TFDP2: variants seen among roughly 807,000 people sequenced by gnomAD.
The protein encoded by TFDP2 is transcription factor Dp-2 (E2F dimerization partner 2).
Under a neutral mutation model 59.3 loss-of-function variants are expected in TFDP2, and 17 were observed. The ratio of observed to expected loss-of-function variants is 0.29; its 90% CI spans 0.20 to 0.43. TFDP2 has a LOEUF of 0.43. Ranked by LOEUF, TFDP2 falls within the 20% of genes least tolerant of loss-of-function variation. TFDP2 has a pLI of 1.00. For synonymous variants in TFDP2, 180 were observed against 194.7 expected, an observed-to-expected ratio of 0.92 and a Z score of 0.63; for missense variants, 391 against 528.8, an observed-to-expected ratio of 0.74 and a Z score of 2.56.
At chr3:142,075,926 G>C (rs1324648953) in intron 3 of TFDP2, among the ~76,000 whole-genome samples, 2 of 121,902 alleles carry the variant, frequency 1.6e-5, no homozygotes, top group African/African-American at 6.7e-5. Context: ...AAAAAAAAAG[G>C]CTTTCCCGGC....
intron 9 of TFDP2, among the ~76,000 whole-genome samples, chr3:141,966,914 A>AT (rs1157768812): frequency 4.1e-5 from 5 of 121,114 alleles, no homozygotes; most frequent in South Asian, 2.5e-4. Flanking sequence ...TGGATTACTT[A>AT]TTAAAAAAAA....
intron 1 of TFDP2, among the ~76,000 whole-genome samples, chr3:142,146,038 A>C (rs73236046): frequency 0.084 from 12,777 of 152,248 alleles, 662 homozygotes; most frequent in Middle Eastern, 0.14. Flanking sequence ...AAGAACTCTG[A>C]CCTCAGCCCT....
At chr3:141,964,907 T>C (rs74927185) in intron 9 of TFDP2, among the ~76,000 whole-genome samples, 11,332 of 152,166 alleles carry the variant, frequency 0.074, 521 homozygotes, top group Non-Finnish European at 0.11. Context: ...AGGCCTAAAT[T>C]TTTTTACTGG....
chr3:142,043,639 T>A, intron 3 of TFDP2: 1 of 893,130 alleles, frequency 1.1e-6, no homozygotes, highest in Non-Finnish European at 1.9e-6. Context: ...CTTGGTCTCT[T>A]CCTCCTTAGA....
chr3:142,030,977 C>T (rs538168207), intron 3 of TFDP2, among the ~76,000 whole-genome samples: 1 of 151,640 alleles, frequency 6.6e-6, no homozygotes, highest in African/African-American at 2.4e-5. Flanking sequence ...CTCCTGACCT[C>T]GTGATCCGCC....
At chr3:141,962,441 C>A (rs1401394984) in intron 10 of TFDP2, among the ~76,000 whole-genome samples, 1 of 152,080 alleles carries the variant, frequency 6.6e-6, no homozygotes, top group East Asian at 1.9e-4. Context: ...TCACTGCAAC[C>A]CCTGCCTCCC....
intron 11 of TFDP2, among the ~76,000 whole-genome samples, chr3:141,957,737 C>T (rs1166130973): frequency 6.6e-6 from 1 of 152,186 alleles, no homozygotes. Context: ...TGTAGGGTTC[C>T]ATTCACATAA....
intron 1 of TFDP2, among the ~76,000 whole-genome samples, chr3:142,118,563 A>G (rs1577027103): frequency 1.3e-5 from 2 of 152,336 alleles, no homozygotes; most frequent in South Asian, 4.1e-4. Flanking sequence ...AATAGAAAGA[A>G]ACAAACAAAA....
chr3:141,985,519 C>CA (rs61684289), intron 6 of TFDP2, among the ~76,000 whole-genome samples: 4,243 of 73,698 alleles, frequency 0.058, 333 homozygotes, highest in African/African-American at 0.19. Context: ...GACGCTGTCT[C>CA]AAAAAAAAAA....
intron 3 of TFDP2, among the ~76,000 whole-genome samples, chr3:142,074,270 A>G (rs2060362819): frequency 6.6e-6 from 1 of 152,140 alleles, no homozygotes; most frequent in East Asian, 1.9e-4. Flanking sequence ...CTAGCCAGGC[A>G]TGGTGGCACA....
intron 3 of TFDP2, among the ~76,000 whole-genome samples, chr3:142,013,613 T>C (rs1256503847): frequency 6.6e-6 from 1 of 152,164 alleles, no homozygotes; most frequent in East Asian, 1.9e-4. Context: ...CTCAATTAAC[T>C]AAATGAGATC....
At position 141,970,159 on chromosome 3, in the gene TFDP2, C is replaced by T; in HGVS notation, c.664-18G>A. On this transcript the variant is annotated intron_variant, in intron 8 of 12. Coordinates refer to ENST00000489671, the MANE Select transcript of TFDP2 (RefSeq NM_001178139.2). Reference sequence around the variant, plus strand: ...TTCTCTATCTTTAAAACATTGGTTACAAAATAATATGAACATAGGTAGACT... The same window carrying T: ...TTCTCTATCTTTAAAACATTGGTTATAAAATAATATGAACATAGGTAGACT... The T allele has an allele frequency of 1.2e-6, 2 of 1,611,362 alleles. No individual in the cohort carries two copies. Among genetic ancestry groups the T allele is most frequent in the East Asian group, 2.2e-5 (1 of 44,878 alleles).
chr3:142,023,630 T>C (rs893655986), intron 3 of TFDP2, among the ~76,000 whole-genome samples: 5 of 152,186 alleles, frequency 3.3e-5, no homozygotes, highest in African/African-American at 1.2e-4. Flanking sequence ...TACCATGCAC[T>C]AAGTAGCTCA....
At chr3:142,065,036 T>C (rs1415240419) in intron 3 of TFDP2, among the ~76,000 whole-genome samples, 1 of 152,044 alleles carries the variant, frequency 6.6e-6, no homozygotes, top group Non-Finnish European at 1.5e-5. Context: ...ACAGGAAAAA[T>C]ACAAACAAGA....
chr3:142,095,054 A>G (rs1425138995), intron 2 of TFDP2, among the ~76,000 whole-genome samples: 1 of 151,864 alleles, frequency 6.6e-6, no homozygotes, highest in Non-Finnish European at 1.5e-5. Context: ...GCAGTGGCAC[A>G]ATCTCGGCTT....
intron 3 of TFDP2, among the ~76,000 whole-genome samples, chr3:142,031,077 C>T (rs1011706228): frequency 2.0e-5 from 3 of 152,112 alleles, no homozygotes; most frequent in Admixed American, 6.5e-5. Flanking sequence ...AGCACCCCCC[C>T]GGCCCTCCAA....
At chr3:142,146,552 A>C (rs2063183701) in intron 1 of TFDP2, among the ~76,000 whole-genome samples, 1 of 152,222 alleles carries the variant, frequency 6.6e-6, no homozygotes, top group African/African-American at 2.4e-5. Flanking sequence ...GTTAGCCCCA[A>C]AGTTAATCTT....
intron 1 of TFDP2, among the ~76,000 whole-genome samples, chr3:142,111,053 G>A (rs1469689217): frequency 2.0e-5 from 3 of 152,120 alleles, no homozygotes; most frequent in Admixed American, 6.5e-5. Flanking sequence ...TTTCAGCTAT[G>A]AAGGCATGCA....
At chr3:142,034,263 T>A (rs561273031) in intron 3 of TFDP2, among the ~76,000 whole-genome samples, 193 of 151,608 alleles carry the variant, frequency 1.3e-3, no homozygotes, top group Admixed American at 5.2e-3. Flanking sequence ...GCCTGGCTAA[T>A]TTTTTTTGTA....
Sources: allele counts gnomAD v4.1 joint callset (sites outside exome capture counted in the v4.1 genomes callset), GRCh38; gene constraint gnomAD v4.1.1; transcripts MANE v1.5; gene names NCBI Gene and HGNC (gene_info 2026-07-23, HGNC 2026-07-21).